MALRD1: variants seen among roughly 807,000 people sequenced by gnomAD.
The protein encoded by MALRD1 is MAM and LDL-receptor class A domain-containing protein 1.
MALRD1 carries 247 observed loss-of-function variants against 242.1 expected under a neutral mutation model. The observed-to-expected ratio is 1.02, with a 90% CI of 0.92 to 1.13. The LOEUF (loss-of-function observed/expected upper bound fraction) is 1.13, where lower values mean the gene tolerates loss of function less well. MALRD1 is among the 50% of genes most tolerant of loss of function. The probability of loss-of-function intolerance (pLI) is 0.00; values close to 1 mark genes in which losing one functional copy is unlikely to be tolerated. For synonymous variants in MALRD1, 995 were observed against 866.6 expected, an observed-to-expected ratio of 1.15 and a Z score of -2.60; for missense variants, 2,989 against 2,533.1, an observed-to-expected ratio of 1.18 and a Z score of -3.86.
At chr10:19,529,500 C>T (rs1290126840) in intron 31 of MALRD1, among the ~76,000 whole-genome samples, 1 of 125,980 alleles carries the variant, frequency 7.9e-6, no homozygotes, top group Non-Finnish European at 1.6e-5. Flanking sequence ...AAAACAGAAT[C>T]GTGAAAAGTT....
At chr10:19,502,739 T>C (rs1015762104) in intron 31 of MALRD1, among the ~76,000 whole-genome samples, 3 of 152,160 alleles carry the variant, frequency 2.0e-5, no homozygotes, top group Non-Finnish European at 2.9e-5. Flanking sequence ...TCTTCCCTTA[T>C]CCTAGGACGG....
intron 38 of MALRD1, among the ~76,000 whole-genome samples, chr10:19,723,936 T>C (rs1209042747): frequency 1.3e-5 from 2 of 150,954 alleles, no homozygotes; most frequent in Non-Finnish European, 2.9e-5. Flanking sequence ...CATGCACCTA[T>C]AGTCCCAGCA....
At chr10:19,316,599 T>C (rs1588899736) in intron 21 of MALRD1, among the ~76,000 whole-genome samples, 1 of 151,818 alleles carries the variant, frequency 6.6e-6, no homozygotes, top group East Asian at 1.9e-4. Flanking sequence ...CACAATGGGG[T>C]TGGTAGTGGG....
chr10:19,416,409 A>G (rs1011929776), intron 28 of MALRD1, among the ~76,000 whole-genome samples: 1 of 152,194 alleles, frequency 6.6e-6, no homozygotes, highest in African/African-American at 2.4e-5. Flanking sequence ...GGCAGAGATT[A>G]AGGTCCATCT....
At chr10:19,134,789 G>T (rs1464329336) in intron 9 of MALRD1, among the ~76,000 whole-genome samples, 1 of 152,066 alleles carries the variant, frequency 6.6e-6, no homozygotes, top group East Asian at 1.9e-4. Flanking sequence ...ATAAAACAAA[G>T]TAAAATGTAA....
chr10:19,060,713 A>G (rs889533612), intron 1 of MALRD1, among the ~76,000 whole-genome samples: 26 of 152,176 alleles, frequency 1.7e-4, no homozygotes, highest in African/African-American at 6.3e-4. Context: ...CCTAGAGGCA[A>G]TGACCAGAGA....
At chr10:19,382,007 A>G (rs945177333) in intron 26 of MALRD1, among the ~76,000 whole-genome samples, 4 of 152,188 alleles carry the variant, frequency 2.6e-5, no homozygotes, top group African/African-American at 9.6e-5. Context: ...GTATGTGTAT[A>G]TATTCAGGTG....
At chr10:19,530,086 A>G (rs1017981416) in intron 31 of MALRD1, among the ~76,000 whole-genome samples, 9 of 151,688 alleles carry the variant, frequency 5.9e-5, no homozygotes, top group African/African-American at 1.9e-4. Flanking sequence ...CAGAATAGCC[A>G]AAACAATATT....
chr10:19,299,136 A>G (rs1028260196), intron 21 of MALRD1, among the ~76,000 whole-genome samples: 10 of 151,982 alleles, frequency 6.6e-5, no homozygotes, highest in Admixed American at 1.3e-4. Flanking sequence ...AAATGTACAA[A>G]TTAATTTAAA....
chr10:19,229,745 A>T (rs181419453), intron 18 of MALRD1, among the ~76,000 whole-genome samples: 1 of 152,162 alleles, frequency 6.6e-6, no homozygotes, highest in Non-Finnish European at 1.5e-5. Flanking sequence ...GCATTGTAGC[A>T]CTAAACTTTG....
intron 18 of MALRD1, among the ~76,000 whole-genome samples, chr10:19,251,739 T>TCC (rs1839300533): frequency 6.6e-6 from 1 of 152,010 alleles, no homozygotes; most frequent in African/African-American, 2.4e-5. Flanking sequence ...GGTGATATGG[T>TCC]TTGACTCTAT....
chr10:19,489,179 C>T (rs1589148873), intron 29 of MALRD1: 1 of 471,094 alleles, frequency 2.1e-6, no homozygotes, highest in Non-Finnish European at 4.4e-6. Context: ...GTCAGGTAAA[C>T]CTGCTCCTGC....
Position 19,608,002 on chromosome 10 carries a change from C to A in MALRD1, c.6070+100C>A, listed in dbSNP as rs144030348. 61 of 1,397,510 alleles carry A rather than the reference C, an allele frequency of 4.4e-5. No individual in the cohort carries two copies. The African/African-American group carries it at 7.8e-4, about 18-fold the overall frequency. 86.6% of individuals were successfully genotyped at this position (1,397,510 alleles called of 1,614,324 possible). A position where few individuals can be genotyped will look rare whatever the true frequency, so the allele number is the denominator to read the frequency against. On this transcript the variant is annotated intron_variant, in intron 35 of 39. Coordinates refer to ENST00000454679, the MANE Select transcript of MALRD1 (RefSeq NM_001142308.3). Reference sequence around the variant, plus strand: ...ACTTGAGGTTCTAAACAATGGCAAGCATGGAATAATTGAATTTCTATTCTT... The same window carrying A: ...ACTTGAGGTTCTAAACAATGGCAAGAATGGAATAATTGAATTTCTATTCTT...
intron 36 of MALRD1, chr10:19,633,891 T>G (rs904479174): frequency 4.7e-5 from 7 of 149,858 alleles, no homozygotes; most frequent in African/African-American, 1.7e-4. Flanking sequence ...CAGGCTGTAG[T>G]GCAGTGGGAA....
chr10:19,541,318 C>T (rs972056000), intron 32 of MALRD1, among the ~76,000 whole-genome samples: 1 of 152,120 alleles, frequency 6.6e-6, no homozygotes, highest in African/African-American at 2.4e-5. Flanking sequence ...TATCCCCATG[C>T]ATAAAACGTA....
chr10:19,248,268 A>G (rs1353382104), intron 18 of MALRD1, among the ~76,000 whole-genome samples: 1 of 152,034 alleles, frequency 6.6e-6, no homozygotes, highest in Non-Finnish European at 1.5e-5. Context: ...TATTTTCACT[A>G]AAATGAGATT....
At chr10:19,255,352 C>T (rs1308901152) in intron 18 of MALRD1, among the ~76,000 whole-genome samples, 4 of 151,718 alleles carry the variant, frequency 2.6e-5, no homozygotes, top group Non-Finnish European at 2.9e-5. Context: ...ATCTTCTATT[C>T]GTTCTCGGGG....
chr10:19,648,671 G>C (rs1477890718), intron 36 of MALRD1, among the ~76,000 whole-genome samples: 1 of 152,090 alleles, frequency 6.6e-6, no homozygotes, highest in African/African-American at 2.4e-5. Context: ...AAAGAAAAAA[G>C]CAGCCAATAC....
intron 7 of MALRD1, among the ~76,000 whole-genome samples, chr10:19,128,015 G>T (rs965370666): frequency 2.6e-5 from 4 of 152,120 alleles, no homozygotes; most frequent in African/African-American, 9.7e-5. Flanking sequence ...GAAATTAGGA[G>T]ATTTCTCTAC....
Sources: gnomAD v4.1 joint callset for allele counts (sites outside exome capture counted in the v4.1 genomes callset) on GRCh38, gnomAD v4.1.1 for gene constraint, MANE v1.5 for transcripts, NCBI Gene and HGNC (gene_info 2026-07-23, HGNC 2026-07-21) for gene names.